Variants in ADCY2 observed in about 807,000 individuals in gnomAD.
ADCY2 encodes adenylate cyclase 2.
A neutral mutation model predicts 125.2 loss-of-function variants in ADCY2; 31 were observed. That is an observed-to-expected ratio of 0.25 (90% CI 0.19 to 0.33). The LOEUF (loss-of-function observed/expected upper bound fraction) is 0.33, where lower values mean the gene tolerates loss of function less well. Among genes scored for constraint, ADCY2 ranks in the 10% least tolerant of loss-of-function variants. The pLI is 1.00. For synonymous variants in ADCY2, 512 were observed against 548.4 expected (o/e 0.93, Z 0.93); for missense variants, 904 against 1,418.2 (o/e 0.64, Z 5.82).
In ADCY2 at chr5:7,802,214, G is replaced by C. The variant is rs777069285; in HGVS notation, c.2629-4G>C. 2 of 1,613,106 alleles carry C rather than the reference G, an allele frequency of 1.2e-6. No homozygotes were observed. Among genetic ancestry groups the C allele is most frequent in the South Asian group, 2.2e-5 (2 of 90,982 alleles). ...TGATCAGCTCTTGCTTTTCTCCCAA[G>C]CAGGAGCTATACCACCAGTCCTATG... On this transcript the variant is annotated splice_region_variant and splice_polypyrimidine_tract_variant and intron_variant, in intron 20 of 24. Transcript: ENST00000338316. The surrounding 1 kb of genome is among the most constrained non-coding windows in gnomAD (Gnocchi z 4.6).
At chr5:7,823,924 A>G (rs1335832321) in intron 24 of ADCY2, among the ~76,000 whole-genome samples, 1 of 152,182 alleles carries the variant, frequency 6.6e-6, no homozygotes, top group Admixed American at 6.5e-5. Context: ...CACCGGCTCC[A>G]TGACCTCTGA....
chr5:7,455,090 T>C (rs532179110), intron 2 of ADCY2, among the ~76,000 whole-genome samples: 62 of 152,128 alleles, frequency 4.1e-4, no homozygotes, highest in Non-Finnish European at 6.6e-4. Context: ...ACCTGTGAAA[T>C]TGGGTTTTCT....
intron 14 of ADCY2, among the ~76,000 whole-genome samples, chr5:7,741,871 A>T (rs1742443499): frequency 6.6e-6 from 1 of 151,738 alleles, no homozygotes; most frequent in African/African-American, 2.4e-5. Context: ...CCCTATCAAT[A>T]TCACCATCAC....
chr5:7,406,907 C>T lies in ADCY2; in HGVS notation c.211-7666C>T, dbSNP rs558053266. Among the ~76,000 whole-genome samples the T allele has an allele frequency of 2.6e-5, 4 of 152,318 alleles. No homozygotes were observed. In the South Asian group the frequency reaches 8.3e-4, roughly 32 times the overall value. On this transcript the variant is annotated intron_variant, in intron 1 of 24. Transcript: ENST00000338316. ...GCCTTCTCATGCTATGTCTGTCTCTCTCTCTTTCAGCTTCTATGTACTTTA... is the reference window on the plus strand; with the variant it reads ...GCCTTCTCATGCTATGTCTGTCTCTTTCTCTTTCAGCTTCTATGTACTTTA...
intron 15 of ADCY2, among the ~76,000 whole-genome samples, chr5:7,752,371 C>G (rs1397492373): frequency 1.3e-5 from 2 of 152,064 alleles, no homozygotes; most frequent in Non-Finnish European, 2.9e-5. Flanking sequence ...TTATATGAAA[C>G]ATGAAACCAC....
intron 2 of ADCY2, among the ~76,000 whole-genome samples, chr5:7,507,266 C>A: frequency 6.9e-6 from 1 of 144,786 alleles, no homozygotes. Flanking sequence ...ACGGTGAAAC[C>A]CCGTCTCTAC....
chr5:7,606,233 A>G (rs956073500), intron 3 of ADCY2, among the ~76,000 whole-genome samples: 20 of 152,302 alleles, frequency 1.3e-4, no homozygotes, highest in Non-Finnish European at 2.8e-4. Flanking sequence ...TTCTGTTCAT[A>G]TGTTTTACTT....
At chr5:7,470,395 A>T (rs1742290411) in intron 2 of ADCY2, among the ~76,000 whole-genome samples, 1 of 151,168 alleles carries the variant, frequency 6.6e-6, no homozygotes, top group African/African-American at 2.4e-5. Flanking sequence ...GCTCTTTTAG[A>T]ATTATTTTTA....
chr5:7,562,565 A>G (rs949768378), intron 3 of ADCY2, among the ~76,000 whole-genome samples: 1 of 152,222 alleles, frequency 6.6e-6, no homozygotes, highest in African/African-American at 2.4e-5. Flanking sequence ...TAAAGAGTTT[A>G]CACAAGTAAT....
intron 15 of ADCY2, among the ~76,000 whole-genome samples, chr5:7,745,591 A>G (rs1157459495): frequency 6.6e-6 from 1 of 152,164 alleles, no homozygotes; most frequent in East Asian, 1.9e-4. Context: ...CTGGTTTTCT[A>G]TGTTCCCGGA....
chr5:7,738,168 A>G (rs1742303084), intron 14 of ADCY2, among the ~76,000 whole-genome samples: 1 of 152,172 alleles, frequency 6.6e-6, no homozygotes, highest in Non-Finnish European at 1.5e-5. Flanking sequence ...CTAAAAGACA[A>G]CAGGTGATCT....
chr5:7,698,188 A>T, intron 6 of ADCY2, 59 bp from the exon 7 acceptor site: 2 of 1,604,998 alleles, frequency 1.2e-6, no homozygotes, highest in Non-Finnish European at 1.7e-6. Flanking sequence ...ATATTACATG[A>T]ATCTAGATCA....
intron 2 of ADCY2, among the ~76,000 whole-genome samples, chr5:7,446,428 A>G (rs1282394219): frequency 6.6e-6 from 1 of 152,058 alleles, no homozygotes; most frequent in Non-Finnish European, 1.5e-5. Context: ...AATTTCTTTT[A>G]CATTTCTTTG....
At chr5:7,687,558 A>G (rs58196482) in intron 4 of ADCY2, among the ~76,000 whole-genome samples, 1,965 of 152,266 alleles carry the variant, frequency 0.013, 49 homozygotes, top group African/African-American at 0.045. Context: ...AAAGGGGCTG[A>G]TGGTGGAAGC....
At chr5:7,415,658 A>G (rs1001898652) in intron 2 of ADCY2, among the ~76,000 whole-genome samples, 10 of 152,186 alleles carry the variant, frequency 6.6e-5, no homozygotes, top group African/African-American at 2.4e-4. Context: ...ATACCTGCTG[A>G]AAAACCCACA....
chr5:7,569,394 C>T (rs1736003780), intron 3 of ADCY2, among the ~76,000 whole-genome samples: 1 of 152,112 alleles, frequency 6.6e-6, no homozygotes, highest in African/African-American at 2.4e-5. Context: ...ATGAAAAACA[C>T]ACATAGTTCA....
intron 14 of ADCY2, among the ~76,000 whole-genome samples, chr5:7,743,032 C>T (rs1430812209): frequency 6.6e-6 from 1 of 152,092 alleles, no homozygotes; most frequent in Admixed American, 6.5e-5. Flanking sequence ...GTATACAATT[C>T]TTATAAGTAA....
chr5:7,636,044 C>T (rs1738491388), intron 4 of ADCY2, among the ~76,000 whole-genome samples: 1 of 152,210 alleles, frequency 6.6e-6, no homozygotes, highest in Non-Finnish European at 1.5e-5. Flanking sequence ...GGCACATGCC[C>T]TTGTGGCTCT....
rs1420702848 is a variant in ADCY2 at position 7,573,597 on chromosome 5, T to TC, written c.571-52570_571-52569insC. ...CTGGGATACAGGGTTGATTTTCTTT[T>TC]TTTTTTTTTTTTTTTTTTTTTGAGA... On this transcript the variant is annotated intron_variant, in intron 3 of 24. Transcript: ENST00000338316. 2.6e-3 allele frequency among the ~76,000 whole-genome samples: 351 copies of TC among 133,758 alleles called. 2 individuals are homozygous for TC. The highest frequency in any genetic ancestry group is 4.8e-3 in the East Asian group (24 of 4,962). The allele number at this position is 133,758 out of a possible 152,430, so 87.8% of individuals were successfully genotyped here.
Sources: allele counts gnomAD v4.1 joint callset (sites outside exome capture counted in the v4.1 genomes callset), GRCh38; gene constraint gnomAD v4.1.1; non-coding constraint Gnocchi (gnomAD v3.1); transcripts MANE v1.5; gene names NCBI Gene and HGNC (gene_info 2026-07-23, HGNC 2026-07-21).